AGAP1: variants seen among roughly 807,000 people sequenced by gnomAD.
AGAP1 encodes the protein arf-GAP with GTPase, ANK repeat and PH domain-containing protein 1.
AGAP1 carries 29 observed loss-of-function variants against 105.3 expected under a neutral mutation model. The observed-to-expected ratio is 0.28, with a 90% CI of 0.21 to 0.38. The LOEUF (loss-of-function observed/expected upper bound fraction) is 0.38. Ranked by LOEUF, AGAP1 falls within the 10% of genes least tolerant of loss-of-function variation. The probability of loss-of-function intolerance (pLI) is 1.00; values close to 1 mark genes in which losing one functional copy is unlikely to be tolerated. For synonymous variants in AGAP1, 509 were observed against 485.9 expected (o/e 1.05, Z -0.63); for missense variants, 998 against 1,165.1 (o/e 0.86, Z 2.09).
At chr2:235,505,652 A>T (rs984343562) in intron 1 of AGAP1, 1 of 152,140 alleles carries the variant, frequency 6.6e-6, no homozygotes, top group Non-Finnish European at 1.5e-5. Context: ...TCGCAGCCAC[A>T]CAAGGCTGTG....
chr2:235,763,352 T>C (rs2149794709), intron 6 of AGAP1, among the ~76,000 whole-genome samples: 1 of 152,126 alleles, frequency 6.6e-6, no homozygotes, highest in Non-Finnish European at 1.5e-5. Context: ...GGACAAGAGA[T>C]CCGCGACCGT....
At chr2:235,935,424 C>T (rs948121764) in intron 12 of AGAP1, among the ~76,000 whole-genome samples, 1 of 152,118 alleles carries the variant, frequency 6.6e-6, no homozygotes, top group African/African-American at 2.4e-5. Flanking sequence ...TACATTTTTT[C>T]CCACTCTTCT....
At position 235,971,215 on chromosome 2, in the gene AGAP1, T is replaced by G. The variant is rs2054627930; in HGVS notation, c.1645+2592T>G. Reference sequence around the variant, plus strand: ...TCATTTTTCCCTAGGAAAAGTTACTTATCAGACTACAAATGAGTCACTTTT... The same window carrying G: ...TCATTTTTCCCTAGGAAAAGTTACTGATCAGACTACAAATGAGTCACTTTT... On this transcript the variant is annotated intron_variant, in intron 13 of 17. Transcript: ENST00000304032. This position sits in a 1 kb window ranked among gnomAD's most constrained non-coding sequence, Gnocchi z 4.8. Among the ~76,000 whole-genome samples the G allele has an allele frequency of 6.6e-6, 1 of 152,220 alleles. No homozygotes were observed. Among genetic ancestry groups the G allele is most frequent in the Non-Finnish European group, 1.5e-5 (1 of 68,044 alleles).
intron 16 of AGAP1, among the ~76,000 whole-genome samples, chr2:236,112,020 G>A (rs561146218): frequency 3.3e-5 from 5 of 152,214 alleles, no homozygotes; most frequent in South Asian, 4.2e-4. Context: ...GTCTTCCCTC[G>A]GGCTTTTACC....
At position 235,709,303 on chromosome 2, in the gene AGAP1, C is replaced by T. The variant is rs557771844; in HGVS notation, c.222+66C>T. 10 of 1,541,756 alleles carry T rather than the reference C, an allele frequency of 6.5e-6. No homozygotes were observed. The East Asian group carries it at 2.0e-4, about 31-fold the overall frequency. On this transcript the variant is annotated intron_variant, in intron 2 of 17. Transcript: ENST00000304032. ...GGGGCTCTGTGCACACCCAAGCCTG[C>T]ATTCCCAGGCAACTGGTCATCGCCT...
chr2:235,636,115 G>A (rs1575011417), intron 1 of AGAP1, among the ~76,000 whole-genome samples: 1 of 143,984 alleles, frequency 6.9e-6, no homozygotes, highest in African/African-American at 2.6e-5. Context: ...CTCTGTCTCA[G>A]TAAATAAATA....
intron 2 of AGAP1, among the ~76,000 whole-genome samples, chr2:235,715,235 C>T (rs553708974): frequency 2.6e-5 from 4 of 152,324 alleles, no homozygotes; most frequent in East Asian, 1.9e-4. Context: ...ATCTATCCAT[C>T]GACCCATCTT....
intron 9 of AGAP1, among the ~76,000 whole-genome samples, chr2:235,837,671 T>A (rs1960328954): frequency 6.6e-6 from 1 of 152,190 alleles, no homozygotes; most frequent in South Asian, 2.1e-4. Flanking sequence ...GCTCACTAAA[T>A]AAGTTACTAT....
Position 235,951,009 on chromosome 2 carries a change from G to C in AGAP1, c.1484-17453G>C, listed in dbSNP as rs964676792. 6.8e-6 allele frequency among the ~76,000 whole-genome samples: 1 copy of C among 146,270 alleles called. No individual in the cohort carries two copies. The highest frequency in any genetic ancestry group is 1.5e-5 in the Non-Finnish European group (1 of 67,044). ...CAAAGTCAGTTCTTTTTTACAAAAA[G>C]AATATTCTAATAGTATCTAATAGTA... On this transcript the variant is annotated intron_variant, in intron 12 of 17. Transcript: ENST00000304032. The surrounding 1 kb of genome is among the most constrained non-coding windows in gnomAD (Gnocchi z 4.2).
In AGAP1 at chr2:235,877,584, C is replaced by T. The variant is rs1330127035; in HGVS notation, c.1051-5761C>T. Among the ~76,000 whole-genome samples the T allele has an allele frequency of 6.6e-6, 1 of 152,162 alleles. No homozygotes were observed. Among genetic ancestry groups the T allele is most frequent in the East Asian group, 1.9e-4 (1 of 5,186 alleles). On this transcript the variant is annotated intron_variant, in intron 9 of 17. Transcript: ENST00000304032. This position sits in a 1 kb window ranked among gnomAD's most constrained non-coding sequence, Gnocchi z 4.3. ...CATGTTGCGTCTCCCTCAGCGCTGTCCCCCTTAGCACCACTCATGACCTAG... is the reference window on the plus strand; with the variant it reads ...CATGTTGCGTCTCCCTCAGCGCTGTTCCCCTTAGCACCACTCATGACCTAG...
In AGAP1 at chr2:236,128,087, C is replaced by CG. The variant is rs918934840; in HGVS notation, c.*3965_*3966insG. The CG allele has an allele frequency of 2.0e-5, 3 of 150,480 alleles. No homozygotes were observed. Among genetic ancestry groups the CG allele is most frequent in the African/African-American group, 4.9e-5 (2 of 41,070 alleles). The allele number at this position is 150,480 out of a possible 1,614,324, so 9.3% of individuals were successfully genotyped here. A position where few individuals can be genotyped will look rare whatever the true frequency, so the allele number is the denominator to read the frequency against. On this transcript the variant is annotated 3_prime_UTR_variant, in exon 18 of 18. Transcript: ENST00000304032. This position sits in a 1 kb window ranked among gnomAD's most constrained non-coding sequence, Gnocchi z 5.9. ...GGCACGTTTGCCAACCCCCCCCCCCCAGTAGAGCCCAGGACCCTCCTCTCT... is the reference window on the plus strand; with the variant it reads ...GGCACGTTTGCCAACCCCCCCCCCCCGAGTAGAGCCCAGGACCCTCCTCTCT...
chr2:236,027,675 C>T lies in AGAP1; in HGVS notation c.1646-8886C>T, dbSNP rs997048549. 1.3e-5 allele frequency among the ~76,000 whole-genome samples: 2 copies of T among 152,206 alleles called. No homozygotes were observed. Among genetic ancestry groups the T allele is most frequent in the Non-Finnish European group, 2.9e-5 (2 of 68,014 alleles). On this transcript the variant is annotated intron_variant, in intron 13 of 17. Transcript: ENST00000304032. This position sits in a 1 kb window ranked among gnomAD's most constrained non-coding sequence, Gnocchi z 4.4. ...TGATTTGGGAGCTGATGCTGGACCC[C>T]GCATTGACGAGACAGAGGGGGCCAT...
Position 235,809,360 on chromosome 2 carries a change from G to A in AGAP1, c.1050+2029G>A, listed in dbSNP as rs766552743. 2.5e-4 allele frequency among the ~76,000 whole-genome samples: 38 copies of A among 152,136 alleles called. 2 individuals are homozygous for A. The highest frequency in any genetic ancestry group is 7.9e-4 in the Admixed American group (12 of 15,278). On this transcript the variant is annotated intron_variant, in intron 9 of 17. Transcript: ENST00000304032. Reference sequence around the variant, plus strand: ...CTCGTTGAAATCTAAATCATGGTCTGATTTCCCGGTGACTCCTGGGCACAG... The same window carrying A: ...CTCGTTGAAATCTAAATCATGGTCTAATTTCCCGGTGACTCCTGGGCACAG...
rs2049477234 is a variant in AGAP1, at chr2:235,872,133, AT to A, written c.1051-11210del. ...GAACCCAGTTAAAGGTGTCATATCA[AT>A]TCCTGTCCATGAAATGAGGATAATC... is the stretch of plus-strand genomic sequence containing the variant. On this transcript the variant is annotated intron_variant, in intron 9 of 17. Transcript: ENST00000304032. The surrounding 1 kb of genome is among the most constrained non-coding windows in gnomAD (Gnocchi z 4.5). Among the ~76,000 whole-genome samples the A allele has an allele frequency of 6.6e-6, 1 of 152,172 alleles. No individual in the cohort carries two copies. Among genetic ancestry groups the A allele is most frequent in the South Asian group, 2.1e-4 (1 of 4,826 alleles).
In AGAP1 at chr2:235,594,069, T is replaced by A. The variant is rs1249867914; in HGVS notation, c.163+99220T>A. Among the ~76,000 whole-genome samples the A allele has an allele frequency of 2.6e-5, 4 of 152,100 alleles. No homozygotes were observed. In the East Asian group the frequency reaches 7.7e-4, roughly 29 times the overall value. Reference sequence around the variant, plus strand: ...AATGAAGATTTTTATTTAGTAATAATCATAGGTGCACATGTAGTAAGGATA... The same window carrying A: ...AATGAAGATTTTTATTTAGTAATAAACATAGGTGCACATGTAGTAAGGATA... On this transcript the variant is annotated intron_variant, in intron 1 of 17. Transcript: ENST00000304032.
rs534251010 is a variant in AGAP1 at position 236,120,290 on chromosome 2, G to T, written c.2213G>T (p.Arg738Leu). Residue 738 changes from arginine to leucine, a missense_variant, in exon 17 of 18, where the codon CGG becomes CTG. Around this residue, in one of 3 missense-constraint regions of AGAP1, gnomAD observed 235 missense variants for 270.7 expected, o/e 0.87. Transcript: ENST00000304032. The surrounding 1 kb of genome is among the most constrained non-coding windows in gnomAD (Gnocchi z 6.0). Reference sequence around the variant, plus strand: ...CTGTCCCTGGGCCAGCACCTGCTGCGGGCCACCGCCGACGAGGACCTGCGG... The same window carrying T: ...CTGTCCCTGGGCCAGCACCTGCTGCTGGCCACCGCCGACGAGGACCTGCGG... ...TELSLGQHLL[R>L]ATADEDLRTA... The T allele has an allele frequency of 3.1e-6, 5 of 1,612,806 alleles. No homozygotes were observed. The highest frequency in any genetic ancestry group is 2.2e-5 in the East Asian group (1 of 44,860).
In AGAP1 at chr2:235,992,321, G is replaced by A. The variant is rs1054027342; in HGVS notation, c.1645+23698G>A. 1.4e-4 allele frequency among the ~76,000 whole-genome samples: 21 copies of A among 152,176 alleles called. No homozygotes were observed. The highest frequency in any genetic ancestry group is 3.6e-4 in the African/African-American group (15 of 41,444). ...GCCTGGGCGAGTGCCTCACGCTCCCGTCAGTGCTCTCAGCTGTAAAATGGG... is the reference window on the plus strand; with the variant it reads ...GCCTGGGCGAGTGCCTCACGCTCCCATCAGTGCTCTCAGCTGTAAAATGGG... On this transcript the variant is annotated intron_variant, in intron 13 of 17. Transcript: ENST00000304032. The surrounding 1 kb of genome is among the most constrained non-coding windows in gnomAD (Gnocchi z 4.8).
intron 13 of AGAP1, among the ~76,000 whole-genome samples, chr2:235,996,905 T>C (rs2055840329): frequency 6.6e-6 from 1 of 152,204 alleles, no homozygotes; most frequent in Non-Finnish European, 1.5e-5. Flanking sequence ...CACTCAAGTC[T>C]AATTTATCAG....
chr2:235,589,418 G>A (rs974661694), intron 1 of AGAP1, among the ~76,000 whole-genome samples: 2 of 151,838 alleles, frequency 1.3e-5, no homozygotes, highest in African/African-American at 4.8e-5. Context: ...TTTTGGCCAG[G>A]CTGGTCTCGA....
Sources: gnomAD v4.1 joint callset for allele counts (sites outside exome capture counted in the v4.1 genomes callset) on GRCh38, gnomAD v4.1.1 for gene constraint, gnomAD v4.1.1 regional missense constraint, Gnocchi (gnomAD v3.1) non-coding constraint, MANE v1.5 for transcripts, NCBI Gene and HGNC (gene_info 2026-07-23, HGNC 2026-07-21) for gene names.